DACH1: variants seen among roughly 807,000 people sequenced by gnomAD.
The protein encoded by DACH1 is dachshund homolog 1.
Under a neutral mutation model 54.2 loss-of-function variants are expected in DACH1, and 12 were observed. The ratio of observed to expected loss-of-function variants is 0.22; its 90% CI spans 0.14 to 0.36. DACH1 has a LOEUF of 0.36. Among genes scored for constraint, DACH1 ranks in the 10% least tolerant of loss-of-function variants. The pLI is 1.00. For synonymous variants in DACH1, 386 were observed against 366.2 expected, an observed-to-expected ratio of 1.05 and a Z score of -0.62; for missense variants, 805 against 929.8, an observed-to-expected ratio of 0.87 and a Z score of 1.75.
At chr13:71,652,775 C>T (rs187032544) in intron 2 of DACH1, among the ~76,000 whole-genome samples, 38 of 152,226 alleles carry the variant, frequency 2.5e-4, no homozygotes, top group African/African-American at 8.9e-4. Flanking sequence ...CTATGAGCTC[C>T]TTGAAGGTAG....
At chr13:71,697,774 A>G (rs1881903648) in intron 1 of DACH1, among the ~76,000 whole-genome samples, 1 of 152,164 alleles carries the variant, frequency 6.6e-6, no homozygotes, top group South Asian at 2.1e-4. Flanking sequence ...ATTCATGGTA[A>G]TATATGAAAG....
chr13:71,780,883 C>T (rs1886340634), intron 1 of DACH1, among the ~76,000 whole-genome samples: 1 of 152,080 alleles, frequency 6.6e-6, no homozygotes, highest in Non-Finnish European at 1.5e-5. Context: ...TCTGCAATCC[C>T]AGCATTTTGG....
rs550578875 is a variant in DACH1, at chr13:71,693,556, G to A, written c.849-11646C>T. On this transcript the variant is annotated intron_variant, in intron 1 of 10. Coordinates refer to ENST00000613252, the MANE Select transcript of DACH1 (RefSeq NM_080759.6). ...GATGGTCTCGATCTCCTGACCTGGT[G>A]ATCCGCCCGCCTCGGCCTCCCAAAG... Among the ~76,000 whole-genome samples, 22 of 147,794 alleles carry A rather than the reference G, an allele frequency of 1.5e-4. 2 individuals carry two copies. The South Asian group carries it at 4.5e-3, about 30-fold the overall frequency.
At chr13:71,594,834 A>G (rs1352079073) in intron 3 of DACH1, among the ~76,000 whole-genome samples, 1 of 152,166 alleles carries the variant, frequency 6.6e-6, no homozygotes, top group East Asian at 1.9e-4. Flanking sequence ...CTTTCAACAA[A>G]TATTAGTTGT....
At chr13:71,761,535 T>C (rs1885401961) in intron 1 of DACH1, among the ~76,000 whole-genome samples, 1 of 152,206 alleles carries the variant, frequency 6.6e-6, no homozygotes, top group South Asian at 2.1e-4. Flanking sequence ...ATTTTTCCCT[T>C]TCTTATGGGA....
intron 1 of DACH1, among the ~76,000 whole-genome samples, chr13:71,740,529 A>G (rs899431375): frequency 1.3e-5 from 2 of 152,136 alleles, no homozygotes; most frequent in African/African-American, 2.4e-5. Context: ...CCTCAGTAAT[A>G]TATTGATTTA....
chr13:71,708,073 T>C (rs908689081), intron 1 of DACH1, among the ~76,000 whole-genome samples: 3 of 143,838 alleles, frequency 2.1e-5, no homozygotes, highest in African/African-American at 7.7e-5. Context: ...TTAAGTTTTA[T>C]AGCAAAAAAC....
chr13:71,642,138 A>G (rs1304557246), intron 2 of DACH1, among the ~76,000 whole-genome samples: 1 of 152,166 alleles, frequency 6.6e-6, no homozygotes, highest in African/African-American at 2.4e-5. Flanking sequence ...TTTTAGACGC[A>G]ATGTCTGTAG....
rs1242070040 is a variant in DACH1, at chr13:71,675,343, C to T, written c.964+6452G>A. ...CCAGAGCGCAGCTATCGGTGCTTTG[C>T]AGGAGGCAAGTGAGGCCTATCTGGT... is the stretch of plus-strand genomic sequence containing the variant. On this transcript the variant is annotated intron_variant, in intron 2 of 10. Coordinates refer to ENST00000613252, the MANE Select transcript of DACH1 (RefSeq NM_080759.6). The T allele has an allele frequency of 3.2e-6, 5 of 1,575,704 alleles. No individual in the cohort carries two copies. In the African/African-American group the frequency reaches 6.8e-5, roughly 21 times the overall value.
At chr13:71,814,359 A>G (rs1461904004) in intron 1 of DACH1, among the ~76,000 whole-genome samples, 2 of 152,264 alleles carry the variant, frequency 1.3e-5, no homozygotes, top group South Asian at 2.1e-4. Flanking sequence ...GTGAAAATAT[A>G]CTTAATTCTT....
chr13:71,538,876 T>C (rs1209879767), intron 6 of DACH1, among the ~76,000 whole-genome samples: 1 of 152,112 alleles, frequency 6.6e-6, no homozygotes, highest in Non-Finnish European at 1.5e-5. Flanking sequence ...TCATATTTCT[T>C]GTCCTTTTAA....
At chr13:71,745,224 CA>C (rs1045036081) in intron 1 of DACH1, among the ~76,000 whole-genome samples, 1 of 152,104 alleles carries the variant, frequency 6.6e-6, no homozygotes, top group Admixed American at 6.5e-5. Context: ...CATCTGTCCC[CA>C]CTTTAGTTTT....
intron 1 of DACH1, among the ~76,000 whole-genome samples, chr13:71,734,050 A>AAAAAT (rs1346833605): frequency 6.6e-6 from 1 of 151,820 alleles, no homozygotes; most frequent in East Asian, 1.9e-4. Flanking sequence ...CTCCATCTCA[A>AAAAAT]AAAATAAAAT....
intron 1 of DACH1, among the ~76,000 whole-genome samples, chr13:71,721,376 T>C (rs1883222565): frequency 6.6e-6 from 1 of 152,092 alleles, no homozygotes; most frequent in Non-Finnish European, 1.5e-5. Flanking sequence ...TAATTATCAC[T>C]AGGGGAGGTA....
intron 2 of DACH1, among the ~76,000 whole-genome samples, chr13:71,635,887 T>C (rs1434604182): frequency 6.6e-6 from 1 of 152,114 alleles, no homozygotes; most frequent in Non-Finnish European, 1.5e-5. Flanking sequence ...TTCAAGCAAT[T>C]CTCCTGCCTC....
intron 2 of DACH1, among the ~76,000 whole-genome samples, chr13:71,674,796 AAAG>A (rs1315432499): frequency 1.6e-4 from 11 of 69,564 alleles, no homozygotes; most frequent in Admixed American, 7.0e-4. Context: ...AGGAAAAAAA[AAAG>A]AAGACATACC....
intron 3 of DACH1, among the ~76,000 whole-genome samples, chr13:71,605,299 T>G (rs1474911689): frequency 6.6e-6 from 1 of 151,860 alleles, no homozygotes; most frequent in Non-Finnish European, 1.5e-5. Context: ...CGGGAATATA[T>G]TCTTAGCTTG....
At chr13:71,798,163 G>A (rs930768266) in intron 1 of DACH1, among the ~76,000 whole-genome samples, 1 of 151,304 alleles carries the variant, frequency 6.6e-6, no homozygotes, top group African/African-American at 2.4e-5. Flanking sequence ...CCAAATCCAG[G>A]GTTTCAAAAA....
intron 1 of DACH1, among the ~76,000 whole-genome samples, chr13:71,825,585 T>C (rs1888347867): frequency 6.6e-6 from 1 of 152,134 alleles, no homozygotes; most frequent in Non-Finnish European, 1.5e-5. Context: ...TTCTTTCACT[T>C]AGCGCAATGT....
Sources: allele counts gnomAD v4.1 joint callset (sites outside exome capture counted in the v4.1 genomes callset), GRCh38; gene constraint gnomAD v4.1.1; transcripts MANE v1.5; gene names NCBI Gene and HGNC (gene_info 2026-07-23, HGNC 2026-07-21).